The following ELAVL4 variants were observed in gnomAD, a reference collection of about 807,000 sequenced individuals.
The protein encoded by ELAVL4 is ELAV-like protein 4.
In ELAVL4, 1 loss-of-function variant was observed where a neutral mutation model predicts 35.6. That is an observed-to-expected ratio of 0.03 (90% CI 0.01 to 0.13). The LOEUF (loss-of-function observed/expected upper bound fraction) is 0.13, where lower values mean the gene tolerates loss of function less well. ELAVL4 is among the 10% of genes least tolerant of loss of function. ELAVL4 has a pLI of 1.00. For synonymous variants in ELAVL4, 156 were observed against 171.0 expected (o/e 0.91, Z 0.69); for missense variants, 267 against 464.9 (o/e 0.57, Z 3.91).
rs550636745 is a variant in ELAVL4, at chr1:50,177,815, T to C, written c.354+623T>C. On this transcript the variant is annotated intron_variant, in intron 3 of 6. Transcript: ENST00000371824. ...TAATAAAATTGATGAGAACATAGTA[T>C]GGGAATGACAGAAAAAGTAACATTT... Among the ~76,000 whole-genome samples the C allele has an allele frequency of 1.2e-3, 188 of 152,244 alleles. No homozygotes were observed. The Middle Eastern group carries it at 0.017, about 14-fold the overall frequency.
chr1:50,061,572 T>G (rs1422991507), intron 1 of ELAVL4, among the ~76,000 whole-genome samples: 1 of 152,240 alleles, frequency 6.6e-6, no homozygotes, highest in African/African-American at 2.4e-5. Flanking sequence ...CATCAGGTAG[T>G]GTGGCCCTCA....
intron 1 of ELAVL4, among the ~76,000 whole-genome samples, chr1:50,074,606 A>G (rs1254843874): frequency 2.6e-5 from 4 of 152,182 alleles, no homozygotes; most frequent in Non-Finnish European, 5.9e-5. Flanking sequence ...ATAAAGTGCA[A>G]TTACTATATG....
At chr1:50,157,665 G>C (rs562433814) in intron 2 of ELAVL4, among the ~76,000 whole-genome samples, 1 of 152,220 alleles carries the variant, frequency 6.6e-6, no homozygotes, top group East Asian at 1.9e-4. Context: ...TTGGTTAGCA[G>C]AGTTCATAAG....
intron 6 of ELAVL4, among the ~76,000 whole-genome samples, chr1:50,200,600 G>A (rs1250276314): frequency 6.6e-6 from 1 of 152,106 alleles, no homozygotes; most frequent in African/African-American, 2.4e-5. Context: ...GGGAGCCCTG[G>A]GAGTCCCTTA....
intron 1 of ELAVL4, among the ~76,000 whole-genome samples, chr1:50,136,914 T>C (rs1029533582): frequency 2.6e-5 from 4 of 152,198 alleles, no homozygotes; most frequent in African/African-American, 9.6e-5. Flanking sequence ...ATGTCAGTAC[T>C]GAGTTCTGTA....
chr1:50,076,309 A>G (rs537910154), intron 1 of ELAVL4, among the ~76,000 whole-genome samples: 3 of 152,328 alleles, frequency 2.0e-5, no homozygotes, highest in South Asian at 2.1e-4. Flanking sequence ...ACCTTCGTCA[A>G]AAATGCTACA....
intron 3 of ELAVL4, among the ~76,000 whole-genome samples, chr1:50,182,237 C>T (rs1681149040): frequency 6.6e-6 from 1 of 152,222 alleles, no homozygotes; most frequent in South Asian, 2.1e-4. Flanking sequence ...AAATTAGTAC[C>T]TTCAAAAGAG....
intron 2 of ELAVL4, among the ~76,000 whole-genome samples, chr1:50,145,581 G>T (rs962770619): frequency 3.3e-5 from 5 of 152,102 alleles, no homozygotes; most frequent in African/African-American, 9.7e-5. Context: ...TGTGCCCAGT[G>T]TTCTTCCATG....
chr1:50,060,650 A>C (rs1663914080), intron 1 of ELAVL4, among the ~76,000 whole-genome samples: 2 of 152,214 alleles, frequency 1.3e-5, no homozygotes, highest in Non-Finnish European at 2.9e-5. Flanking sequence ...CACTGCCACC[A>C]GTATGATCCT....
At chr1:50,129,999 G>A (rs1288894153) in intron 1 of ELAVL4, among the ~76,000 whole-genome samples, 1 of 152,134 alleles carries the variant, frequency 6.6e-6, no homozygotes, top group Non-Finnish European at 1.5e-5. Context: ...TTGCACTGCA[G>A]AGAGTCTGAA....
At chr1:50,076,365 A>C (rs1664763350) in intron 1 of ELAVL4, among the ~76,000 whole-genome samples, 1 of 152,150 alleles carries the variant, frequency 6.6e-6, no homozygotes, top group African/African-American at 2.4e-5. Context: ...CGCTTACATA[A>C]CTTTTATTAC....
chr1:50,120,558 A>G (rs1466922152), intron 1 of ELAVL4, among the ~76,000 whole-genome samples: 9 of 152,002 alleles, frequency 5.9e-5, no homozygotes, highest in Non-Finnish European at 1.3e-4. Flanking sequence ...TCCTTTCTTA[A>G]TTCTTTTTCA....
At chr1:50,136,776 T>C (rs1207894504) in intron 1 of ELAVL4, among the ~76,000 whole-genome samples, 1 of 152,194 alleles carries the variant, frequency 6.6e-6, no homozygotes, top group African/African-American at 2.4e-5. Context: ...CTTTGGTTCT[T>C]TCCTCTTGAT....
upstream of ELAVL4, chr1:50,106,305 G>A (rs1051505890): frequency 1.7e-5 from 28 of 1,612,862 alleles, no homozygotes; most frequent in Non-Finnish European, 2.3e-5. Context: ...CCTTTGGGAT[G>A]TGTGCATGGT....
chr1:50,191,758 A>C (rs1043429638), intron 3 of ELAVL4, among the ~76,000 whole-genome samples: 1 of 152,202 alleles, frequency 6.6e-6, no homozygotes, highest in African/African-American at 2.4e-5. Context: ...GAAGAGGAGT[A>C]GGATTTGGAC....
chr1:50,096,654 T>G (rs1665729756), intron 1 of ELAVL4, among the ~76,000 whole-genome samples: 1 of 152,046 alleles, frequency 6.6e-6, no homozygotes, highest in African/African-American at 2.4e-5. Context: ...TTGACTGCTT[T>G]TAACCTAAAA....
In ELAVL4 at chr1:50,165,992, G is replaced by A. The variant is rs187087386; in HGVS notation, c.251-11097G>A. Among the ~76,000 whole-genome samples, 94 of 152,098 alleles carry A rather than the reference G, an allele frequency of 6.2e-4. 1 individual carries two copies. Among genetic ancestry groups the A allele is most frequent in the African/African-American group, 2.2e-3 (92 of 41,464 alleles). On this transcript the variant is annotated intron_variant, in intron 2 of 6. Coordinates refer to ENST00000371824, the MANE Select transcript of ELAVL4 (RefSeq NM_001144774.3). ...CAAGGGCAGGAAGCATCCAGCACAG[G>A]AGAAAGATGTAGGCTGGGAGGCTAG...
intron 2 of ELAVL4, among the ~76,000 whole-genome samples, chr1:50,152,400 C>G (rs1248013078): frequency 6.6e-6 from 1 of 151,894 alleles, no homozygotes; most frequent in Non-Finnish European, 1.5e-5. Flanking sequence ...GCAGCCTTCT[C>G]TTCTTCCCCC....
chr1:50,064,868 G>A (rs1664183910), intron 1 of ELAVL4, among the ~76,000 whole-genome samples: 1 of 152,024 alleles, frequency 6.6e-6, no homozygotes, highest in African/African-American at 2.4e-5. Context: ...GTATATTTCT[G>A]TCTTGCATCC....
Sources: gnomAD v4.1 joint callset for allele counts (sites outside exome capture counted in the v4.1 genomes callset) on GRCh38, gnomAD v4.1.1 for gene constraint, MANE v1.5 for transcripts, NCBI Gene and HGNC (gene_info 2026-07-23, HGNC 2026-07-21) for gene names.